The following MAP3K4 variants were observed in gnomAD, a reference collection of about 807,000 sequenced individuals.
MAP3K4 encodes mitogen-activated protein kinase kinase kinase 4, also known as MAP three kinase 1.
A neutral mutation model predicts 185.6 loss-of-function variants in MAP3K4; 67 were observed. That is an observed-to-expected ratio of 0.36 (90% CI 0.30 to 0.44). The LOEUF is 0.44. MAP3K4 is among the 20% of genes least tolerant of loss of function. The pLI is 1.00. For missense variants in MAP3K4, 1,551 were observed against 1,995.1 expected (o/e 0.78, Z 4.24); for synonymous variants, 702 against 710.4 (o/e 0.99, Z 0.19).
intron 2 of MAP3K4, among the ~76,000 whole-genome samples, chr6:161,038,475 C>A (rs1345775762): frequency 2.0e-5 from 3 of 152,292 alleles, no homozygotes; most frequent in Middle Eastern, 6.8e-3. Context: ...TGAACTGTTA[C>A]ATTATTTCTT....
rs181905088 is a variant in MAP3K4, at chr6:161,003,208, A to G, written c.152+11125A>G. On this transcript the variant is annotated intron_variant, in intron 1 of 26. Transcript: ENST00000392142. ...GGTGTTGCTATGTTTCTTTCTAGAA[A>G]GGTATTAAGTTATTCATACCAGTGT... Among the ~76,000 whole-genome samples the G allele has an allele frequency of 2.6e-4, 40 of 152,336 alleles. 1 individual carries two copies. The East Asian group carries it at 7.5e-3, about 29-fold the overall frequency.
chr6:161,004,967 A>G (rs1330781463), intron 1 of MAP3K4, among the ~76,000 whole-genome samples: 1 of 152,178 alleles, frequency 6.6e-6, no homozygotes, highest in Non-Finnish European at 1.5e-5. Context: ...TTAGTTTTGT[A>G]TCAGTATAAC....
intron 1 of MAP3K4, among the ~76,000 whole-genome samples, chr6:160,995,826 A>G (rs1476696552): frequency 6.6e-6 from 1 of 152,238 alleles, no homozygotes; most frequent in Admixed American, 6.5e-5. Flanking sequence ...ACACAGAATA[A>G]ATTGGATATT....
At chr6:161,019,070 C>T (rs1782249094) in intron 1 of MAP3K4, among the ~76,000 whole-genome samples, 1 of 151,988 alleles carries the variant, frequency 6.6e-6, no homozygotes, top group Non-Finnish European at 1.5e-5. Context: ...AGGCGGTTAG[C>T]GTGTGTATTG....
Position 161,089,419 on chromosome 6 carries a change from A to G in MAP3K4, c.2921A>G (p.Gln974Arg), listed in dbSNP as rs755200964. Reference protein sequence around the residue: ...QSIEGLMTLCQEQTSSQPVIA... With the variant: ...QSIEGLMTLCREQTSSQPVIA... ...ATTGAGGGACTTATGACTCTGTGCC[A>G]GGAGCAGACATCCAGTCAGCCGGTC... The change falls in exon 11 of 27, where the codon CAG becomes CGG. Residue 974 changes from glutamine (Q) to arginine (R), a missense_variant. Gln to Arg is a conservative substitution (Grantham distance 43). Transcript: ENST00000392142. 6.2e-7 allele frequency: 1 copy of G among 1,614,252 alleles called. No homozygotes were observed. Among genetic ancestry groups the G allele is most frequent in the South Asian group, 1.1e-5 (1 of 91,088 alleles).
chr6:161,041,940 T>TTTTTTTTTG (rs1562499604), intron 2 of MAP3K4, among the ~76,000 whole-genome samples: 1 of 135,280 alleles, frequency 7.4e-6, no homozygotes, highest in African/African-American at 2.8e-5. Flanking sequence ...TTTTTTTTTT[T>TTTTTTTTTG]AGAGATGGGG....
In MAP3K4 at chr6:161,100,948, C is replaced by T. The variant is rs1277824106; in HGVS notation, c.3675-944C>T. On this transcript the variant is annotated intron_variant, in intron 17 of 26. Coordinates refer to ENST00000392142, the MANE Select transcript of MAP3K4 (RefSeq NM_005922.4). This position sits in a 1 kb window ranked among gnomAD's most constrained non-coding sequence, Gnocchi z 5.8. ...TAGATTTGAGGGCTTAGGGAAATACCAGAAAAAAATGCATATTTTATAATT... is the reference window on the plus strand; with the variant it reads ...TAGATTTGAGGGCTTAGGGAAATACTAGAAAAAAATGCATATTTTATAATT... 17 of 151,820 alleles carry T rather than the reference C, an allele frequency of 1.1e-4. No homozygotes were observed. The highest frequency in any genetic ancestry group is 9.2e-4 in the Admixed American group (14 of 15,232). The allele number at this position is 151,820 out of a possible 1,614,324, so 9.4% of individuals were successfully genotyped here.
intron 11 of MAP3K4, among the ~76,000 whole-genome samples, 186 bp downstream of exon 11, chr6:161,089,657 G>T (rs1262988167): frequency 9.2e-5 from 14 of 152,178 alleles, no homozygotes; most frequent in Non-Finnish European, 1.8e-4. Context: ...TCCTGAAGCT[G>T]TAGAACTTTA....
At chr6:161,041,526 G>A (rs934682594) in intron 2 of MAP3K4, among the ~76,000 whole-genome samples, 1 of 152,254 alleles carries the variant, frequency 6.6e-6, no homozygotes, top group Non-Finnish European at 1.5e-5. Flanking sequence ...ATGGGGGCAA[G>A]GGTAGGGCCA....
At position 161,111,895 on chromosome 6, in the gene MAP3K4, G is replaced by C; in HGVS notation, c.4456G>C (p.Val1486Leu). 1 of 1,614,120 alleles carries C rather than the reference G, an allele frequency of 6.2e-7. No homozygotes were observed. Among genetic ancestry groups the C allele is most frequent in the South Asian group, 1.1e-5 (1 of 91,068 alleles). Residue 1486 changes from valine to leucine, a missense_variant, in exon 24 of 27, where the codon GTA (valine) becomes CTA (leucine). Val to Leu is a conservative substitution (Grantham distance 32). Coordinates refer to ENST00000392142, the MANE Select transcript of MAP3K4 (RefSeq NM_005922.4). Reference sequence around the variant, plus strand: ...CAAACTGGGAGATTTTGGATGTTCAGTAAAGCTCAAAAACAATGCCCAGAC... The same window carrying C: ...CAAACTGGGAGATTTTGGATGTTCACTAAAGCTCAAAAACAATGCCCAGAC... Reference protein sequence around the residue: ...LIKLGDFGCSVKLKNNAQTMP... With the variant: ...LIKLGDFGCSLKLKNNAQTMP...
At chr6:161,010,967 A>G (rs1300851321) in intron 1 of MAP3K4, among the ~76,000 whole-genome samples, 1 of 152,162 alleles carries the variant, frequency 6.6e-6, no homozygotes, top group African/African-American at 2.4e-5. Flanking sequence ...TGAAGAAAGA[A>G]CTGTACCACC....
At chr6:161,012,276 A>G (rs1181031664) in intron 1 of MAP3K4, among the ~76,000 whole-genome samples, 1 of 152,092 alleles carries the variant, frequency 6.6e-6, no homozygotes, top group Non-Finnish European at 1.5e-5. Context: ...ATTCCTTTGT[A>G]TGGGTCGGTT....
intron 1 of MAP3K4, among the ~76,000 whole-genome samples, chr6:160,995,532 A>G (rs949873633): frequency 1.3e-5 from 2 of 152,222 alleles, no homozygotes; most frequent in African/African-American, 4.8e-5. Context: ...AGTGTTATGC[A>G]GTGACCCAGC....
In MAP3K4 at chr6:161,070,736, C is replaced by T. The variant is rs773874291; in HGVS notation, c.1836C>T (p.Phe612=). ...EELKAMDLPS[F]EPAFLVLCRV... Reference sequence around the variant, plus strand: ...TGAAGGCCATGGATTTACCTTCATTCGAACCTGCCTTCCTAGTTCTCTGCC... The same window carrying T: ...TGAAGGCCATGGATTTACCTTCATTTGAACCTGCCTTCCTAGTTCTCTGCC... The change falls in exon 4 of 27, where the codon TTC becomes TTT. Residue 612 remains phenylalanine (F), a synonymous_variant. Coordinates refer to ENST00000392142, the MANE Select transcript of MAP3K4 (RefSeq NM_005922.4). The surrounding 1 kb of genome is among the most constrained non-coding windows in gnomAD (Gnocchi z 4.5). 7 of 1,613,978 alleles carry T rather than the reference C, an allele frequency of 4.3e-6. No individual in the cohort carries two copies. The highest frequency in any genetic ancestry group is 2.7e-5 in the African/African-American group (2 of 74,892).
At chr6:161,002,314 T>G (rs1023199127) in intron 1 of MAP3K4, among the ~76,000 whole-genome samples, 5 of 152,164 alleles carry the variant, frequency 3.3e-5, no homozygotes, top group Non-Finnish European at 7.3e-5. Flanking sequence ...TTTCTTTTCA[T>G]TTTTTAAATG....
Position 161,107,749 on chromosome 6 carries a change from T to G in MAP3K4, c.4049-150T>G, listed in dbSNP as rs1291280951. The G allele has an allele frequency of 1.3e-5, 7 of 546,756 alleles. No individual in the cohort carries two copies. The East Asian group carries it at 1.8e-4, about 14-fold the overall frequency. The allele number at this position is 546,756 out of a possible 1,614,324, so 33.9% of individuals were successfully genotyped here. A position where few individuals can be genotyped will look rare whatever the true frequency, so the allele number is the denominator to read the frequency against. ...TTATCAGGGAACATTTAGAAAAATT[T>G]TGGATCTTGCAATAGTAAACTGCAG... On this transcript the variant is annotated intron_variant, in intron 20 of 26. Transcript: ENST00000392142. This position sits in a 1 kb window ranked among gnomAD's most constrained non-coding sequence, Gnocchi z 6.2.
intron 11 of MAP3K4, among the ~76,000 whole-genome samples, chr6:161,089,814 A>G (rs9365249): frequency 0.06 from 9,142 of 152,254 alleles, 507 homozygotes; most frequent in East Asian, 0.31. Flanking sequence ...CCCAGTATTT[A>G]CTAGAGGTAC....
intron 3 of MAP3K4, among the ~76,000 whole-genome samples, chr6:161,057,718 A>G (rs1784307312): frequency 6.6e-6 from 1 of 152,200 alleles, no homozygotes; most frequent in Non-Finnish European, 1.5e-5. Flanking sequence ...CATGCTGCTT[A>G]ATACAGTTGT....
chr6:161,022,155 T>A lies in MAP3K4; in HGVS notation c.153-12104T>A, dbSNP rs1303211133. ...TGTGAAAGGAACGGAGACTCAAGCCTGATCTGATGAGGCTGTGTTAGAAGT... is the reference window on the plus strand; with the variant it reads ...TGTGAAAGGAACGGAGACTCAAGCCAGATCTGATGAGGCTGTGTTAGAAGT... On this transcript the variant is annotated intron_variant, in intron 1 of 26. Coordinates refer to ENST00000392142, the MANE Select transcript of MAP3K4 (RefSeq NM_005922.4). This position sits in a 1 kb window ranked among gnomAD's most constrained non-coding sequence, Gnocchi z 4.2. 2 of 152,228 alleles carry A rather than the reference T, an allele frequency of 1.3e-5. No homozygotes were observed. The highest frequency in any genetic ancestry group is 1.5e-5 in the Non-Finnish European group (1 of 68,040). 9.4% of individuals were successfully genotyped at this position (152,228 alleles called of 1,614,324 possible). A position where few individuals can be genotyped will look rare whatever the true frequency, so the allele number is the denominator to read the frequency against.
Sources: allele counts gnomAD v4.1 joint callset (sites outside exome capture counted in the v4.1 genomes callset), GRCh38; gene constraint gnomAD v4.1.1; non-coding constraint Gnocchi (gnomAD v3.1); transcripts MANE v1.5; gene names NCBI Gene and HGNC (gene_info 2026-07-23, HGNC 2026-07-21).